The following NMD3 variants were observed in gnomAD, a reference collection of about 807,000 sequenced individuals.
NMD3 encodes 60S ribosomal export protein NMD3.
A neutral mutation model predicts 73.1 loss-of-function variants in NMD3; 47 were observed. The observed-to-expected ratio is 0.64, with a 90% CI of 0.51 to 0.82. The LOEUF (loss-of-function observed/expected upper bound fraction) is 0.82, where lower values mean the gene tolerates loss of function less well. Among genes scored for constraint, NMD3 ranks in the 40% least tolerant of loss-of-function variants. NMD3 has a pLI of 0.00. For synonymous variants in NMD3, 210 were observed against 194.5 expected, an observed-to-expected ratio of 1.08 and a Z score of -0.66; for missense variants, 554 against 612.5, an observed-to-expected ratio of 0.90 and a Z score of 1.01.
chr3:161,241,103 AT>A lies in NMD3; in HGVS notation c.814del (p.Cys272ValfsTer6), dbSNP rs749548495. 9 of 1,613,376 alleles carry A rather than the reference AT, an allele frequency of 5.6e-6. No individual in the cohort carries two copies. The highest frequency in any genetic ancestry group is 7.6e-6 in the Non-Finnish European group (9 of 1,179,740). On this transcript the variant is annotated frameshift_variant, in exon 10 of 16. Transcript: ENST00000351193. LOFTEE classifies it high-confidence loss of function. ...LAQSLGNMNQ[I>X]CVCIRVTSAI... ...ACAAAGCCTGGGAAATATGAACCAG[AT>A]TTGTGTGTGTATTCGAGTAACCAGT... is the stretch of plus-strand genomic sequence containing the variant.
rs748443883 is a variant in NMD3 at position 161,221,988 on chromosome 3, T to TTTTTTTTA, written c.-20-6_-20-5insTTTTTTTA. 16 of 1,192,822 alleles carry TTTTTTTTA rather than the reference T, an allele frequency of 1.3e-5. No homozygotes were observed. Among genetic ancestry groups the TTTTTTTTA allele is most frequent in the African/African-American group, 1.0e-4 (6 of 57,984 alleles). The allele number at this position is 1,192,822 out of a possible 1,614,324, so 73.9% of individuals were successfully genotyped here. The stretch of plus-strand genomic sequence containing the variant: ...TTTTTTTTTTTTTTTTTTTTTTTTT[T>TTTTTTTTA]AAAAGAACTTAAGGCATACAGAACG... On this transcript the variant is annotated splice_region_variant and splice_polypyrimidine_tract_variant and intron_variant, in intron 1 of 15. Transcript: ENST00000351193.
downstream of NMD3, chr3:161,253,074 G>A (rs1711506884): frequency 1.3e-5 from 3 of 223,294 alleles, no homozygotes; most frequent in South Asian, 4.1e-4. Context: ...TCCAGCCTGG[G>A]CGACAGAGTG....
At position 161,238,986 on chromosome 3, in the gene NMD3, T is replaced by C. The variant is rs140014224; in HGVS notation, c.753+160T>C. Among the ~76,000 whole-genome samples the C allele has an allele frequency of 4.6e-5, 7 of 152,192 alleles. No individual in the cohort carries two copies. The South Asian group carries it at 6.2e-4, about 13-fold the overall frequency. The stretch of plus-strand genomic sequence containing the variant: ...ACACATTCAGCCATGTTAAAAGATA[T>C]ATATTTTTAAAAAAGTCATGCTTAT... On this transcript the variant is annotated intron_variant, in intron 9 of 15. Transcript: ENST00000351193.
rs1336808921 is a variant in NMD3 at position 161,222,048 on chromosome 3, C to T, written c.35C>T (p.Pro12Leu). ...EYMAESTDRS[P>L]GHILCCECGV... ...ATGGCAGAATCCACCGACCGCAGCC[C>T]TGGACACATGTGAGTGCGACACTTC... Residue 12 changes from proline to leucine, a missense_variant, in exon 2 of 16, where the codon CCT becomes CTT. Physicochemically the swap from Pro to Leu is moderately conservative, Grantham distance 98. Transcript: ENST00000351193. 8 of 1,608,214 alleles carry T rather than the reference C, an allele frequency of 5.0e-6. No homozygotes were observed. Among genetic ancestry groups the T allele is most frequent in the East Asian group, 4.5e-5 (2 of 44,808 alleles).
Position 161,221,980 on chromosome 3 carries a change from T to TAAAAA in NMD3, c.-20-14_-20-13insAAAAA. ...TCTCTTTTTTTTTTTTTTTTTTTTT[T>TAAAAA]TTTTTTTTAAAAGAACTTAAGGCAT... On this transcript the variant is annotated splice_polypyrimidine_tract_variant and intron_variant, in intron 1 of 15. Coordinates refer to ENST00000351193, the MANE Select transcript of NMD3 (RefSeq NM_015938.5). 3 of 1,280,840 alleles carry TAAAAA rather than the reference T, an allele frequency of 2.3e-6. No homozygotes were observed. The highest frequency in any genetic ancestry group is 2.0e-5 in the African/African-American group (1 of 51,082). The allele number at this position is 1,280,840 out of a possible 1,614,324, so 79.3% of individuals were successfully genotyped here.
chr3:161,233,342 GT>G, intron 4 of NMD3, 56 bp from the exon 5 acceptor site: 34 of 1,214,778 alleles, frequency 2.8e-5, no homozygotes, highest in Middle Eastern at 1.9e-4. Context: ...GTTCTTTCGT[GT>G]TTTTTTTCCT....
At chr3:161,226,552 T>A (rs1184578760) in intron 3 of NMD3, among the ~76,000 whole-genome samples, 1 of 152,252 alleles carries the variant, frequency 6.6e-6, no homozygotes, top group African/African-American at 2.4e-5. Context: ...GTCAAAACTT[T>A]CTGTTATGTA....
intron 4 of NMD3, 61 bp from the exon 5 acceptor site, chr3:161,233,338 T>C (rs1169480172): frequency 8.9e-7 from 1 of 1,128,944 alleles, no homozygotes; most frequent in Non-Finnish European, 1.3e-6. Flanking sequence ...ATTTGTTCTT[T>C]CGTGTTTTTT....
chr3:161,226,996 A>G lies in NMD3; in HGVS notation c.180-251A>G, dbSNP rs141590141. ...ACATTTTAGTGGTGATTTGGTGATT[A>G]AAGTAATAAGATCACTTTAGTAGGT... On this transcript the variant is annotated intron_variant, in intron 3 of 15. Coordinates refer to ENST00000351193, the MANE Select transcript of NMD3 (RefSeq NM_015938.5). 3.9e-5 allele frequency among the ~76,000 whole-genome samples: 6 copies of G among 152,348 alleles called. No homozygotes were observed. The East Asian group carries it at 1.2e-3, about 29-fold the overall frequency.
At chr3:161,241,679 A>G (rs1218271508) in intron 10 of NMD3, among the ~76,000 whole-genome samples, 1 of 152,136 alleles carries the variant, frequency 6.6e-6, no homozygotes, top group Non-Finnish European at 1.5e-5. Context: ...TCGGCCTCCC[A>G]AGGTGCTGGG....
At chr3:161,243,152 C>G (rs1737059652) in intron 11 of NMD3, among the ~76,000 whole-genome samples, 1 of 152,094 alleles carries the variant, frequency 6.6e-6, no homozygotes, top group African/African-American at 2.4e-5. Flanking sequence ...TTTGAAACAA[C>G]CCACAATAGT....
At position 161,238,817 on chromosome 3, in the gene NMD3, A is replaced by G; in HGVS notation, c.744A>G (p.Pro248=). The change falls in exon 9 of 16, where the codon CCA becomes CCG. Residue 248 remains proline, a synonymous_variant. Coordinates refer to ENST00000351193, the MANE Select transcript of NMD3 (RefSeq NM_015938.5). ...GCACTTTTTCTGTGGAAATTGTTCC[A>G]ATATGCAAGGTACTTTTCTTTTTCA... The part of the protein sequence containing the change: ...YKSTFSVEIV[P]ICKDNVVCLS... 3 of 1,479,588 alleles carry G rather than the reference A, an allele frequency of 2.0e-6. No individual in the cohort carries two copies. The highest frequency in any genetic ancestry group is 1.2e-5 in the South Asian group (1 of 85,632). The allele number at this position is 1,479,588 out of a possible 1,614,324, so 91.7% of individuals were successfully genotyped here. A position where few individuals can be genotyped will look rare whatever the true frequency, so the allele number is the denominator to read the frequency against.
Position 161,225,056 on chromosome 3 carries a change from A to AT in NMD3, c.172dup (p.Cys58LeufsTer35). ...AAGTCTCGATTTCGTTCTGCAAACA[A>AT]TGTCAAAGGTACAGTGCGGTACAAT... is the stretch of plus-strand genomic sequence containing the variant. On this transcript the variant is annotated frameshift_variant, in exon 3 of 16. Transcript: ENST00000351193. LOFTEE classifies it high-confidence loss of function. The AT allele has an allele frequency of 6.2e-7, 1 of 1,613,840 alleles. No homozygotes were observed. The highest frequency in any genetic ancestry group is 8.5e-7 in the Non-Finnish European group (1 of 1,179,946).
intron 5 of NMD3, 119 bp from the exon 6 acceptor site, chr3:161,234,608 G>A: frequency 1.4e-6 from 1 of 698,898 alleles, no homozygotes; most frequent in Non-Finnish European, 2.3e-6. Flanking sequence ...ACATTTGATT[G>A]ATGTCCTCAA....
chr3:161,240,326 T>G (rs1447671449), intron 9 of NMD3, among the ~76,000 whole-genome samples: 1 of 152,142 alleles, frequency 6.6e-6, no homozygotes, highest in Non-Finnish European at 1.5e-5. Flanking sequence ...CATGTAGCCA[T>G]GTAAGAGAAA....
At chr3:161,240,373 A>C (rs1736920426) in intron 9 of NMD3, among the ~76,000 whole-genome samples, 1 of 152,114 alleles carries the variant, frequency 6.6e-6, no homozygotes. Context: ...ATGGAGATTG[A>C]AAGAAGTCAC....
chr3:161,247,279 C>A lies in NMD3; in HGVS notation c.1152C>A (p.Asn384Lys). The A allele has an allele frequency of 6.2e-7, 1 of 1,611,234 alleles. No individual in the cohort carries two copies. The change falls in exon 13 of 16, where the codon AAC (asparagine) becomes AAA (lysine). Residue 384 changes from asparagine (N) to lysine (K), a missense_variant. Transcript: ENST00000351193. ...TCAGGTTTGATTTGGCCAACTGTAA[C>A]TTAAATGATGAGCATGTCAACAAAA... ...LVLGFDLANC[N>K]LNDEHVNKMN...
chr3:161,246,556 AG>A, intron 12 of NMD3, 108 bp downstream of exon 12: 1 of 454,656 alleles, frequency 2.2e-6, no homozygotes. Flanking sequence ...AAAAGATCGA[AG>A]GGTTCTTAGG....
chr3:161,225,123 C>T (rs984726022), intron 3 of NMD3, 59 bp downstream of exon 3: 20 of 1,533,194 alleles, frequency 1.3e-5, no homozygotes, highest in Admixed American at 3.8e-5. Flanking sequence ...AGAGAACCAC[C>T]GAGATATGCT....
Sources: allele counts gnomAD v4.1 joint callset (sites outside exome capture counted in the v4.1 genomes callset), GRCh38; gene constraint gnomAD v4.1.1; transcripts MANE v1.5; gene names NCBI Gene and HGNC (gene_info 2026-07-23, HGNC 2026-07-21).